The following ENOX1 variants were observed in gnomAD, a reference collection of about 807,000 sequenced individuals.
ENOX1 encodes ecto-NOX disulfide-thiol exchanger 1.
Under a neutral mutation model 82.5 loss-of-function variants are expected in ENOX1, and 42 were observed. The observed-to-expected ratio is 0.51, with a 90% CI of 0.40 to 0.66. The LOEUF (loss-of-function observed/expected upper bound fraction) is 0.66, where lower values mean the gene tolerates loss of function less well. Ranked by LOEUF, ENOX1 falls within the 30% of genes least tolerant of loss-of-function variation. The probability of loss-of-function intolerance (pLI) is 0.00; values close to 1 mark genes in which losing one functional copy is unlikely to be tolerated. For synonymous variants in ENOX1, 271 were observed against 282.2 expected (o/e 0.96, Z 0.40); for missense variants, 608 against 811.6 (o/e 0.75, Z 3.05).
At chr13:43,593,932 T>A (rs1383444205) in intron 2 of ENOX1, among the ~76,000 whole-genome samples, 1 of 152,134 alleles carries the variant, frequency 6.6e-6, no homozygotes. Flanking sequence ...CTAATCCTCT[T>A]GCCCTCTAGG....
intron 2 of ENOX1, among the ~76,000 whole-genome samples, chr13:43,569,259 G>C (rs1330063715): frequency 6.6e-6 from 1 of 152,062 alleles, no homozygotes; most frequent in African/African-American, 2.4e-5. Context: ...TTCTCATAAG[G>C]CTCTCTTAGG....
At chr13:43,416,734 G>A (rs893513753) in intron 3 of ENOX1, among the ~76,000 whole-genome samples, 1 of 151,094 alleles carries the variant, frequency 6.6e-6, no homozygotes, top group African/African-American at 2.4e-5. Context: ...AGACAGGGCG[G>A]CCGGGCAGAG....
intron 1 of ENOX1, among the ~76,000 whole-genome samples, chr13:43,684,745 T>C (rs994224268): frequency 3.3e-5 from 5 of 152,186 alleles, no homozygotes; most frequent in African/African-American, 1.2e-4. Flanking sequence ...AAGGAACAAG[T>C]AAGAGCTAAA....
intron 1 of ENOX1, among the ~76,000 whole-genome samples, chr13:43,687,668 T>C (rs1401745899): frequency 6.6e-6 from 1 of 152,182 alleles, no homozygotes; most frequent in Non-Finnish European, 1.5e-5. Flanking sequence ...GTGCATGCTA[T>C]GTTCCAAGCA....
intron 11 of ENOX1, among the ~76,000 whole-genome samples, chr13:43,315,767 G>A (rs753525208): frequency 3.3e-5 from 5 of 152,156 alleles, no homozygotes; most frequent in Non-Finnish European, 7.3e-5. Flanking sequence ...TAGCAACTTT[G>A]CATCTTATTA....
intron 8 of ENOX1, among the ~76,000 whole-genome samples, chr13:43,346,894 A>T (rs996831679): frequency 5.3e-5 from 8 of 152,158 alleles, no homozygotes; most frequent in South Asian, 4.2e-4. Context: ...CTCTGAAAAG[A>T]TAACAACAGA....
intron 3 of ENOX1, among the ~76,000 whole-genome samples, chr13:43,420,952 T>C (rs982299316): frequency 1.3e-5 from 2 of 152,176 alleles, no homozygotes; most frequent in African/African-American, 4.8e-5. Flanking sequence ...AGCTGATTAA[T>C]GGGAAATAAT....
chr13:43,644,068 T>G (rs1209401709), intron 2 of ENOX1, among the ~76,000 whole-genome samples: 1 of 152,190 alleles, frequency 6.6e-6, no homozygotes, highest in African/African-American at 2.4e-5. Context: ...GCTCTTTTAG[T>G]CATCTTAATT....
chr13:43,620,721 C>A (rs180782194), intron 2 of ENOX1, among the ~76,000 whole-genome samples: 2 of 152,066 alleles, frequency 1.3e-5, no homozygotes, highest in African/African-American at 4.8e-5. Flanking sequence ...GTGTATTCTG[C>A]GGTTGTCGGA....
At chr13:43,766,023 A>G (rs1378830710) in intron 1 of ENOX1, among the ~76,000 whole-genome samples, 1 of 152,200 alleles carries the variant, frequency 6.6e-6, no homozygotes, top group East Asian at 1.9e-4. Flanking sequence ...TCTCTAAAAG[A>G]CAAAAGAATC....
At chr13:43,713,230 T>C (rs1249821927) in intron 1 of ENOX1, among the ~76,000 whole-genome samples, 2 of 152,210 alleles carry the variant, frequency 1.3e-5, no homozygotes, top group African/African-American at 4.8e-5. Context: ...GATTTGTGTA[T>C]ATTGAACCAG....
chr13:43,269,719 T>C (rs1449460121), intron 12 of ENOX1, 142 bp from the exon 13 acceptor site: 3 of 657,016 alleles, frequency 4.6e-6, no homozygotes, highest in African/African-American at 3.6e-5. Context: ...ACCTTGTGTG[T>C]TTTCCGCACT....
chr13:43,445,248 C>T (rs1331102023), intron 3 of ENOX1, among the ~76,000 whole-genome samples: 1 of 151,954 alleles, frequency 6.6e-6, no homozygotes. Flanking sequence ...CTCAGCCTCC[C>T]AAGTAGCTGG....
At chr13:43,581,132 T>C (rs2080710190) in intron 2 of ENOX1, among the ~76,000 whole-genome samples, 1 of 129,378 alleles carries the variant, frequency 7.7e-6, no homozygotes, top group Non-Finnish European at 1.7e-5. Context: ...ATTCTTTTTT[T>C]TTTTTTTTTT....
At chr13:43,258,419 T>C (rs977223353) in intron 14 of ENOX1, among the ~76,000 whole-genome samples, 1 of 151,968 alleles carries the variant, frequency 6.6e-6, no homozygotes, top group Non-Finnish European at 1.5e-5. Context: ...GGCAGCTGCA[T>C]AGGGGCAGGG....
intron 14 of ENOX1, among the ~76,000 whole-genome samples, chr13:43,249,416 A>G (rs984033311): frequency 6.6e-6 from 1 of 152,230 alleles, no homozygotes; most frequent in Non-Finnish European, 1.5e-5. Context: ...CAATAAAACT[A>G]GAGCAGCAAA....
At chr13:43,307,385 T>G (rs1234993474) in intron 11 of ENOX1, among the ~76,000 whole-genome samples, 1 of 152,220 alleles carries the variant, frequency 6.6e-6, no homozygotes, top group Non-Finnish European at 1.5e-5. Context: ...TCTGAGATTC[T>G]GGAATGGGGC....
At chr13:43,585,302 G>A (rs2080927622) in intron 2 of ENOX1, among the ~76,000 whole-genome samples, 1 of 152,186 alleles carries the variant, frequency 6.6e-6, no homozygotes, top group African/African-American at 2.4e-5. Context: ...TGGGAGGCAG[G>A]GCAGCCCTGC....
At chr13:43,236,788 G>T in intron 14 of ENOX1, 50 bp from the exon 15 acceptor site, 2 of 1,088,928 alleles carry the variant, frequency 1.8e-6, no homozygotes, top group Admixed American at 2.9e-5. Context: ...TAGATTCTGT[G>T]CATGTCAATA....
Sources: gnomAD v4.1 joint callset for allele counts (sites outside exome capture counted in the v4.1 genomes callset) on GRCh38, gnomAD v4.1.1 for gene constraint, MANE v1.5 for transcripts, NCBI Gene and HGNC (gene_info 2026-07-23, HGNC 2026-07-21) for gene names.